ST6GALNAC5: variants seen among roughly 807,000 people sequenced by gnomAD.
The protein encoded by ST6GALNAC5 is alpha-N-acetylgalactosaminide alpha-2,6-sialyltransferase 5.
ST6GALNAC5 carries 27 observed loss-of-function variants against 33.6 expected under a neutral mutation model. The ratio of observed to expected loss-of-function variants is 0.80; its 90% CI spans 0.59 to 1.11. The LOEUF (loss-of-function observed/expected upper bound fraction) is 1.11, where lower values mean the gene tolerates loss of function less well. Ranked by LOEUF, ST6GALNAC5 falls within the 50% of genes least tolerant of loss-of-function variation. The pLI, the probability that ST6GALNAC5 is intolerant of heterozygous loss-of-function variation, is 0.00. For missense variants in ST6GALNAC5, 428 were observed against 454.0 expected, an observed-to-expected ratio of 0.94 and a Z score of 0.52; for synonymous variants, 194 against 171.2, an observed-to-expected ratio of 1.13 and a Z score of -1.04.
chr1:77,050,897 C>A (rs1169840642), intron 4 of ST6GALNAC5, among the ~76,000 whole-genome samples: 1 of 152,228 alleles, frequency 6.6e-6, no homozygotes, highest in Non-Finnish European at 1.5e-5. Flanking sequence ...CTGTTGCCAC[C>A]TTAACTTTCC....
intron 2 of ST6GALNAC5, among the ~76,000 whole-genome samples, chr1:76,921,813 G>A (rs756855809): frequency 1.2e-4 from 19 of 152,182 alleles, no homozygotes; most frequent in Middle Eastern, 3.4e-3. Flanking sequence ...GCACCCATTC[G>A]TGATAAAAGC....
chr1:76,956,585 T>C (rs76218053), intron 2 of ST6GALNAC5, among the ~76,000 whole-genome samples: 1,718 of 152,304 alleles, frequency 0.011, 35 homozygotes, highest in African/African-American at 0.039. Context: ...GTCTCACTCA[T>C]GGCCCAATAT....
intron 2 of ST6GALNAC5, among the ~76,000 whole-genome samples, chr1:76,887,835 A>C (rs1010059458): frequency 5.9e-5 from 9 of 152,034 alleles, no homozygotes; most frequent in Non-Finnish European, 1.0e-4. Context: ...TAGACTGCTT[A>C]TTTGTGTATT....
intron 2 of ST6GALNAC5, among the ~76,000 whole-genome samples, chr1:76,927,781 TA>T (rs1407678501): frequency 6.6e-6 from 1 of 152,142 alleles, no homozygotes; most frequent in East Asian, 1.9e-4. Flanking sequence ...CAATAAAATG[TA>T]TCTATTCTCT....
chr1:76,912,816 G>C (rs980335229), intron 2 of ST6GALNAC5, among the ~76,000 whole-genome samples: 7 of 152,090 alleles, frequency 4.6e-5, no homozygotes, highest in African/African-American at 1.7e-4. Context: ...ATGTGTGTCT[G>C]CACATGAGAT....
chr1:76,881,488 T>C (rs1382581375), intron 2 of ST6GALNAC5, among the ~76,000 whole-genome samples: 4 of 152,198 alleles, frequency 2.6e-5, no homozygotes, highest in East Asian at 3.8e-4. Context: ...ACAATACTTA[T>C]TCCACTTTAT....
At chr1:77,012,014 C>T (rs998721031) in intron 2 of ST6GALNAC5, among the ~76,000 whole-genome samples, 3 of 152,138 alleles carry the variant, frequency 2.0e-5, no homozygotes, top group African/African-American at 7.2e-5. Flanking sequence ...GCCCAAGGTT[C>T]CATAGCGGTC....
chr1:76,883,139 A>G (rs1186990864), intron 2 of ST6GALNAC5, among the ~76,000 whole-genome samples: 1 of 152,232 alleles, frequency 6.6e-6, no homozygotes, highest in Non-Finnish European at 1.5e-5. Flanking sequence ...GGGAGGAAAC[A>G]AGATAAAGGA....
At chr1:76,959,918 A>C (rs749713748) in intron 2 of ST6GALNAC5, among the ~76,000 whole-genome samples, 15 of 152,202 alleles carry the variant, frequency 9.9e-5, no homozygotes, top group Non-Finnish European at 1.9e-4. Flanking sequence ...AAGGGGTTAC[A>C]ACAAAAGCAG....
At position 76,906,994 on chromosome 1, in the gene ST6GALNAC5, A is replaced by G. The variant is rs575499446; in HGVS notation, c.261+38252A>G. The stretch of plus-strand genomic sequence containing the variant: ...CTTGGATTCTGCCATCACTGATGCC[A>G]CATACCCTAATAGGCCACTTCTGGT... On this transcript the variant is annotated intron_variant, in intron 2 of 4. Coordinates refer to ENST00000477717, the MANE Select transcript of ST6GALNAC5 (RefSeq NM_030965.3). Among the ~76,000 whole-genome samples, 3 of 152,216 alleles carry G rather than the reference A, an allele frequency of 2.0e-5. No individual in the cohort carries two copies. In the East Asian group the frequency reaches 5.8e-4, roughly 29 times the overall value.
At chr1:76,999,895 G>A (rs1650080340) in intron 2 of ST6GALNAC5, among the ~76,000 whole-genome samples, 1 of 129,806 alleles carries the variant, frequency 7.7e-6, no homozygotes, top group Admixed American at 7.8e-5. Context: ...TATCATTGTT[G>A]GACATTTGGG....
intron 2 of ST6GALNAC5, among the ~76,000 whole-genome samples, chr1:76,987,384 G>C (rs1388766380): frequency 6.6e-6 from 1 of 152,064 alleles, no homozygotes; most frequent in East Asian, 1.9e-4. Context: ...CCAAATCACA[G>C]TGAGATATCA....
At chr1:76,887,345 T>C (rs1653920135) in intron 2 of ST6GALNAC5, among the ~76,000 whole-genome samples, 1 of 152,254 alleles carries the variant, frequency 6.6e-6, no homozygotes, top group African/African-American at 2.4e-5. Flanking sequence ...TTGCATTGCA[T>C]TCTTTTTCAG....
In ST6GALNAC5 at chr1:77,065,712, G is replaced by A. The variant is rs964157580; in HGVS notation, c.*2506G>A. 6.6e-6 allele frequency: 1 copy of A among 152,188 alleles called. No individual in the cohort carries two copies. The highest frequency in any genetic ancestry group is 6.5e-5 in the Admixed American group (1 of 15,276). 9.4% of individuals were successfully genotyped at this position (152,188 alleles called of 1,614,324 possible). On this transcript the variant is annotated 3_prime_UTR_variant, in exon 5 of 5. Transcript: ENST00000477717. ...ATTAAATATAAACTCTGATATAAAA[G>A]ATGACTACAGAACCATGTTTATAGA...
chr1:76,891,380 CT>C (rs1318119485), intron 2 of ST6GALNAC5, among the ~76,000 whole-genome samples: 2 of 152,036 alleles, frequency 1.3e-5, no homozygotes, highest in Admixed American at 6.6e-5. Flanking sequence ...TGCTTATTGT[CT>C]ATTTGTATAT....
chr1:76,906,695 G>A (rs1355521893), intron 2 of ST6GALNAC5, among the ~76,000 whole-genome samples: 1 of 152,052 alleles, frequency 6.6e-6, no homozygotes, highest in African/African-American at 2.4e-5. Flanking sequence ...TTTGGAAATT[G>A]GACTTGTCTC....
chr1:76,993,247 G>T (rs747383461), intron 2 of ST6GALNAC5, among the ~76,000 whole-genome samples: 5 of 152,120 alleles, frequency 3.3e-5, no homozygotes, highest in Admixed American at 6.6e-5. Flanking sequence ...TCTGTGTTGT[G>T]CAATAATTAC....
intron 2 of ST6GALNAC5, among the ~76,000 whole-genome samples, chr1:76,930,978 G>T (rs551686466): frequency 5.3e-5 from 8 of 152,228 alleles, no homozygotes; most frequent in Admixed American, 4.6e-4. Flanking sequence ...CCTGTAACTT[G>T]CATAACCAGT....
intron 2 of ST6GALNAC5, among the ~76,000 whole-genome samples, chr1:76,889,128 T>C (rs1239152072): frequency 2.0e-5 from 3 of 152,130 alleles, no homozygotes; most frequent in African/African-American, 7.2e-5. Flanking sequence ...TTTTTTTAGA[T>C]TCCATTTATA....
Sources: allele counts gnomAD v4.1 joint callset (sites outside exome capture counted in the v4.1 genomes callset), GRCh38; gene constraint gnomAD v4.1.1; transcripts MANE v1.5; gene names NCBI Gene and HGNC (gene_info 2026-07-23, HGNC 2026-07-21).